The following NUP205 variants were observed in gnomAD, a reference collection of about 807,000 sequenced individuals.
NUP205 encodes the protein nucleoporin 205.
In NUP205, 76 loss-of-function variants were observed where a neutral mutation model predicts 253.8. That is an observed-to-expected ratio of 0.30 (90% CI 0.25 to 0.36). The LOEUF is 0.36. Among genes scored for constraint, NUP205 ranks in the 10% least tolerant of loss-of-function variants. NUP205 has a pLI of 1.00. For synonymous variants in NUP205, 832 were observed against 850.1 expected (o/e 0.98, Z 0.37); for missense variants, 2,162 against 2,425.5 (o/e 0.89, Z 2.28).
intron 10 of NUP205, among the ~76,000 whole-genome samples, chr7:135,588,822 A>G (rs748297531): frequency 3.3e-5 from 5 of 151,484 alleles, no homozygotes; most frequent in South Asian, 2.1e-4. Flanking sequence ...CAAAATGCCT[A>G]TGAGTCTGTA....
chr7:135,595,495 A>G (rs1375419338), intron 13 of NUP205, among the ~76,000 whole-genome samples: 1 of 152,134 alleles, frequency 6.6e-6, no homozygotes, highest in African/African-American at 2.4e-5. Context: ...AAGTGCTGGG[A>G]TGACAGGTGT....
intron 25 of NUP205, 45 bp downstream of exon 25, chr7:135,616,771 A>G: frequency 1.8e-6 from 2 of 1,121,988 alleles, no homozygotes; most frequent in Non-Finnish European, 1.2e-6. Flanking sequence ...ATAGACATAT[A>G]TTAAAAAAAA....
chr7:135,619,315 C>T, intron 28 of NUP205, 108 bp from the exon 29 acceptor site: 2 of 1,197,438 alleles, frequency 1.7e-6, no homozygotes, highest in Non-Finnish European at 2.4e-6. Flanking sequence ...GCACTCCAGC[C>T]TCGGTGACAG....
intron 29 of NUP205, 48 bp downstream of exon 29, chr7:135,619,738 T>G (rs1320136586): frequency 6.3e-7 from 1 of 1,595,844 alleles, no homozygotes. Flanking sequence ...TGTATTTGTT[T>G]TAACTTTAAT....
At chr7:135,586,000 A>G (rs1356611734) in intron 8 of NUP205, among the ~76,000 whole-genome samples, 1 of 152,236 alleles carries the variant, frequency 6.6e-6, no homozygotes, top group East Asian at 1.9e-4. Flanking sequence ...TATTTCAAAC[A>G]GTTCCTTATA....
Position 135,626,284 on chromosome 7 carries a change from G to A in NUP205, c.4716G>A (p.Glu1572=). The stretch of plus-strand genomic sequence containing the variant: ...CAAAGATACAGCAGGGTGCATTAGA[G>A]CTGCTAAGATCAGGGGTGATTGTGA... ...RVAKIQQGAL[E]LLRSGVIVRL... Residue 1572 remains glutamate, a synonymous_variant, in exon 33 of 43, where the codon GAG becomes GAA. Transcript: ENST00000285968. 1.2e-6 allele frequency: 2 copies of A among 1,614,072 alleles called. No homozygotes were observed. The highest frequency in any genetic ancestry group is 1.1e-5 in the South Asian group (1 of 91,070).
chr7:135,603,405 G>T (rs538410115), intron 18 of NUP205, among the ~76,000 whole-genome samples: 1 of 151,388 alleles, frequency 6.6e-6, no homozygotes, highest in South Asian at 2.1e-4. Flanking sequence ...GAACCACCGC[G>T]CCCAGCCTTA....
At position 135,619,628 on chromosome 7, in the gene NUP205, C is replaced by G. The variant is rs1563131786; in HGVS notation, c.4169C>G (p.Ser1390Cys). The change falls in exon 29 of 43, where the codon TCT becomes TGT. Residue 1390 changes from serine to cysteine, a missense_variant. Physicochemically the swap from Ser to Cys is moderately radical, Grantham distance 112 (BLOSUM62 -1). Transcript: ENST00000285968. ...PEENPLVGFA[S>C]IGDSSLYIIL... is the part of the protein sequence containing the mutation. ...GAGAACCCATTAGTGGGTTTTGCTT[C>G]TATTGGAGATTCTTCACTTTACATC... is the stretch of plus-strand genomic sequence containing the variant. 6.2e-7 allele frequency: 1 copy of G among 1,614,084 alleles called. No individual in the cohort carries two copies. Among genetic ancestry groups the G allele is most frequent in the East Asian group, 2.2e-5 (1 of 44,876 alleles).
Position 135,648,533 on chromosome 7 carries a change from C to T in NUP205, c.6016C>T (p.Leu2006Phe), listed in dbSNP as rs751504146. 9 of 1,581,604 alleles carry T rather than the reference C, an allele frequency of 5.7e-6. No individual in the cohort carries two copies. In the Admixed American group the frequency reaches 1.7e-4, roughly 30 times the overall value. ...GGCTCTTGTCAGACGTATCCGTGGC[C>T]TCTTGAGGATATCAAGGAACTGAGA... ...IQALVRRIRG[L>F]LRISRN Residue 2006 changes from leucine (L) to phenylalanine (F), a missense_variant, in exon 43 of 43, where the codon CTC becomes TTC. Physicochemically the swap from Leu to Phe is conservative, Grantham distance 22 (BLOSUM62 0). Transcript: ENST00000285968.
Position 135,570,979 on chromosome 7 carries a change from A to C in NUP205, c.29-126A>C, listed in dbSNP as rs569396218. The stretch of plus-strand genomic sequence containing the variant: ...TTATAATATAATTGATAATTATATT[A>C]ATTAAGATAACTTCCTAGATTAAAA... On this transcript the variant is annotated intron_variant, in intron 1 of 42. Coordinates refer to ENST00000285968, the MANE Select transcript of NUP205 (RefSeq NM_015135.3). 502 of 270,160 alleles carry C rather than the reference A, an allele frequency of 1.9e-3. 2 individuals carry two copies. The highest frequency in any genetic ancestry group is 7.5e-3 in the South Asian group (78 of 10,456). 16.7% of individuals were successfully genotyped at this position (270,160 alleles called of 1,614,324 possible). A position where few individuals can be genotyped will look rare whatever the true frequency, so the allele number is the denominator to read the frequency against.
At position 135,619,462 on chromosome 7, in the gene NUP205, G is replaced by C; in HGVS notation, c.4003G>C (p.Val1335Leu). Residue 1335 changes from valine to leucine, a missense_variant, in exon 29 of 43, where the codon GTC (valine) becomes CTC (leucine). Physicochemically the swap from Val to Leu is conservative, Grantham distance 32. Around this residue, in one of 5 missense-constraint regions of NUP205, gnomAD observed 1,144 missense variants for 1,280.9 expected, o/e 0.89. Transcript: ENST00000285968. ...AGCTGCGCAAGAGTTAATGCCTGTG[G>C]TCGCCGGGGCAGTGTTCACACTGAC... ...DEAAQELMPV[V>L]AGAVFTLTAH... The C allele has an allele frequency of 6.2e-7, 1 of 1,613,380 alleles. No homozygotes were observed. Among genetic ancestry groups the C allele is most frequent in the Non-Finnish European group, 8.5e-7 (1 of 1,180,006 alleles).
intron 23 of NUP205, among the ~76,000 whole-genome samples, chr7:135,614,618 GA>G (rs574820064): frequency 7.2e-4 from 107 of 148,942 alleles, no homozygotes; most frequent in East Asian, 4.5e-3. Context: ...TGTTTATGAG[GA>G]AAAAAAAAAT....
intron 38 of NUP205, among the ~76,000 whole-genome samples, chr7:135,639,885 A>G (rs1794887050): frequency 6.6e-6 from 1 of 152,266 alleles, no homozygotes; most frequent in Non-Finnish European, 1.5e-5. Context: ...GCCATAAACA[A>G]GAATGAGTTC....
Position 135,590,718 on chromosome 7 carries a change from A to G in NUP205, c.1474-732A>G, listed in dbSNP as rs191942943. ...CAGCTAATTTTTGTATTTTTAGTAGAGACGGGGTTTCACCATGTTGGCCAG... is the reference window on the plus strand; with the variant it reads ...CAGCTAATTTTTGTATTTTTAGTAGGGACGGGGTTTCACCATGTTGGCCAG... On this transcript the variant is annotated intron_variant, in intron 10 of 42. Coordinates refer to ENST00000285968, the MANE Select transcript of NUP205 (RefSeq NM_015135.3). 3.1e-3 allele frequency among the ~76,000 whole-genome samples: 478 copies of G among 152,010 alleles called. 5 individuals carry two copies. The highest frequency in any genetic ancestry group is 0.011 in the African/African-American group (453 of 41,460).
At chr7:135,580,597 G>C (rs1806277475) in intron 7 of NUP205, among the ~76,000 whole-genome samples, 1 of 151,868 alleles carries the variant, frequency 6.6e-6, no homozygotes, top group Admixed American at 6.6e-5. Context: ...GGAGTACCTG[G>C]GACTATAGTC....
At chr7:135,607,534 C>T (rs1794113777) in intron 22 of NUP205, among the ~76,000 whole-genome samples, 163 bp downstream of exon 22, 1 of 152,182 alleles carries the variant, frequency 6.6e-6, no homozygotes, top group Non-Finnish European at 1.5e-5. Context: ...AAAGCACAAA[C>T]CCCAAGTTCT....
chr7:135,628,508 G>C (rs1184932781), intron 34 of NUP205, among the ~76,000 whole-genome samples: 2 of 152,140 alleles, frequency 1.3e-5, no homozygotes, highest in Admixed American at 6.5e-5. Context: ...CACTTCGGGA[G>C]ACTGACAGAT....
At position 135,619,492 on chromosome 7, in the gene NUP205, C is replaced by T. The variant is rs533949096; in HGVS notation, c.4033C>T (p.His1345Tyr). ...CGGGGCAGTGTTCACACTGACTGCT[C>T]ACCTAAGCCAGGCCGTCCTCACTGA... ...VAGAVFTLTA[H>Y]LSQAVLTEQK... The change falls in exon 29 of 43, where the codon CAC (histidine) becomes TAC (tyrosine). Residue 1345 changes from histidine (H) to tyrosine (Y), a missense_variant. Physicochemically the swap from His to Tyr is moderately conservative, Grantham distance 83. Transcript: ENST00000285968. 5 of 1,613,988 alleles carry T rather than the reference C, an allele frequency of 3.1e-6. No individual in the cohort carries two copies. Among genetic ancestry groups the T allele is most frequent in the East Asian group, 2.2e-5 (1 of 44,886 alleles).
At chr7:135,597,524 A>G in intron 14 of NUP205, 106 bp downstream of exon 14, 1 of 676,854 alleles carries the variant, frequency 1.5e-6, no homozygotes, top group South Asian at 2.3e-5. Flanking sequence ...ATCAAATTTA[A>G]TGTATTTTTA....
Sources: allele counts gnomAD v4.1 joint callset (sites outside exome capture counted in the v4.1 genomes callset), GRCh38; gene constraint gnomAD v4.1.1; regional missense constraint gnomAD v4.1.1; transcripts MANE v1.5; gene names NCBI Gene and HGNC (gene_info 2026-07-23, HGNC 2026-07-21).